The following SH2D4B variants were observed in gnomAD, a reference collection of about 807,000 sequenced individuals.
SH2D4B encodes the protein SH2 domain-containing protein 4B.
A neutral mutation model predicts 61.5 loss-of-function variants in SH2D4B; 45 were observed. The ratio of observed to expected loss-of-function variants is 0.73; its 90% CI spans 0.58 to 0.94. The LOEUF (loss-of-function observed/expected upper bound fraction) is 0.94, where lower values mean the gene tolerates loss of function less well. SH2D4B is among the 40% of genes least tolerant of loss of function. The pLI is 0.00. For synonymous variants in SH2D4B, 224 were observed against 220.4 expected (o/e 1.02, Z -0.14); for missense variants, 572 against 574.2 (o/e 1.00, Z 0.04).
intron 1 of SH2D4B, among the ~76,000 whole-genome samples, chr10:80,545,089 T>G (rs1300129082): frequency 6.6e-6 from 1 of 152,250 alleles, no homozygotes; most frequent in Non-Finnish European, 1.5e-5. Context: ...AAAATTATGG[T>G]AAAATACACA....
At chr10:80,569,449 A>T (rs545416035) in intron 1 of SH2D4B, among the ~76,000 whole-genome samples, 1 of 151,524 alleles carries the variant, frequency 6.6e-6, no homozygotes, top group South Asian at 2.1e-4. Context: ...TATTTCGGAG[A>T]CCCAGCGAAC....
chr10:80,592,314 C>T (rs1842338597), intron 4 of SH2D4B, among the ~76,000 whole-genome samples: 1 of 152,122 alleles, frequency 6.6e-6, no homozygotes, highest in South Asian at 2.1e-4. Context: ...AATATTTTCT[C>T]ATATTCTTTG....
At chr10:80,608,648 C>T (rs949776887) in intron 5 of SH2D4B, among the ~76,000 whole-genome samples, 1 of 152,004 alleles carries the variant, frequency 6.6e-6, no homozygotes, top group Non-Finnish European at 1.5e-5. Flanking sequence ...TAAAACGTAT[C>T]TACTCCCTCG....
chr10:80,630,326 G>A (rs961722310), intron 6 of SH2D4B, among the ~76,000 whole-genome samples: 38 of 152,186 alleles, frequency 2.5e-4, no homozygotes, highest in African/African-American at 8.2e-4. Flanking sequence ...GCATGATGCT[G>A]CTCCCAGCAA....
intron 5 of SH2D4B, among the ~76,000 whole-genome samples, chr10:80,608,504 G>T (rs1842547597): frequency 6.6e-6 from 1 of 152,198 alleles, no homozygotes; most frequent in African/African-American, 2.4e-5. Flanking sequence ...GTCGTGTGCT[G>T]CCAGCTCTTA....
chr10:80,584,476 C>A (rs1169642520), intron 3 of SH2D4B, among the ~76,000 whole-genome samples: 3 of 152,016 alleles, frequency 2.0e-5, no homozygotes, highest in Non-Finnish European at 4.4e-5. Context: ...CCAGGAAAAA[C>A]CAGAAAAAAT....
rs373219353 is a variant in SH2D4B at position 80,609,304 on chromosome 10, C to G, written c.861-120C>G. ...CTCCCCTGCCCCTTCTTCCACCCCC[C>G]CTTCCTCCTCCTCCTTTTACCTTCC... On this transcript the variant is annotated intron_variant, in intron 5 of 7. Transcript: ENST00000646907. The G allele has an allele frequency of 5.9e-4, 601 of 1,013,916 alleles. 9 individuals carry two copies. In the East Asian group the frequency reaches 0.014, roughly 23 times the overall value. 62.8% of individuals were successfully genotyped at this position (1,013,916 alleles called of 1,614,324 possible). A position where few individuals can be genotyped will look rare whatever the true frequency, so the allele number is the denominator to read the frequency against.
At chr10:80,544,111 T>G (rs1841630942) in intron 1 of SH2D4B, among the ~76,000 whole-genome samples, 1 of 152,148 alleles carries the variant, frequency 6.6e-6, no homozygotes, top group African/African-American at 2.4e-5. Flanking sequence ...CAATAAATCT[T>G]GCTATTGCTC....
intron 4 of SH2D4B, among the ~76,000 whole-genome samples, chr10:80,595,787 C>T (rs765942303): frequency 3.3e-5 from 5 of 152,178 alleles, no homozygotes; most frequent in Non-Finnish European, 7.3e-5. Flanking sequence ...GTTCTTCAAT[C>T]CCTCCTTAAT....
At chr10:80,611,005 T>C (rs1842591385) in intron 6 of SH2D4B, among the ~76,000 whole-genome samples, 1 of 151,780 alleles carries the variant, frequency 6.6e-6, no homozygotes, top group Non-Finnish European at 1.5e-5. Flanking sequence ...AGCTTGTCTC[T>C]ACTAAAAATA....
At chr10:80,553,505 C>T (rs569974959) in intron 1 of SH2D4B, among the ~76,000 whole-genome samples, 1 of 152,102 alleles carries the variant, frequency 6.6e-6, no homozygotes, top group African/African-American at 2.4e-5. Flanking sequence ...GGAGGTGGGG[C>T]GTTGTGGATT....
At chr10:80,612,390 C>G (rs1842613442) in intron 6 of SH2D4B, among the ~76,000 whole-genome samples, 1 of 152,000 alleles carries the variant, frequency 6.6e-6, no homozygotes, top group Non-Finnish European at 1.5e-5. Flanking sequence ...TCGGCTCTCC[C>G]TGGGCTTGGT....
At chr10:80,631,940 TTTTG>T (rs1360495453) in intron 6 of SH2D4B, among the ~76,000 whole-genome samples, 2 of 152,018 alleles carry the variant, frequency 1.3e-5, no homozygotes, top group East Asian at 1.9e-4. Flanking sequence ...CCAAGAGAGT[TTTTG>T]TTTGTTTGTT....
intron 6 of SH2D4B, among the ~76,000 whole-genome samples, chr10:80,624,801 G>T (rs1025130992): frequency 1.3e-5 from 2 of 152,146 alleles, no homozygotes; most frequent in Non-Finnish European, 2.9e-5. Context: ...GCCTCCAAAG[G>T]ACATTGATCA....
intron 1 of SH2D4B, among the ~76,000 whole-genome samples, chr10:80,551,090 T>C (rs1190413111): frequency 1.3e-5 from 2 of 152,254 alleles, no homozygotes; most frequent in Admixed American, 6.5e-5. Flanking sequence ...TCTCACTCTG[T>C]TGCCCAGGCT....
chr10:80,583,704 A>G (rs1842211947), intron 3 of SH2D4B, among the ~76,000 whole-genome samples: 1 of 152,178 alleles, frequency 6.6e-6, no homozygotes, highest in Non-Finnish European at 1.5e-5. Context: ...GCAAGAGAGG[A>G]AAATGATAAG....
chr10:80,569,057 A>T (rs1038350506), intron 1 of SH2D4B, among the ~76,000 whole-genome samples: 1 of 152,206 alleles, frequency 6.6e-6, no homozygotes, highest in African/African-American at 2.4e-5. Flanking sequence ...TGCTTCTGGG[A>T]TACATTTTTA....
chr10:80,645,661 A>T lies in SH2D4B; in HGVS notation c.*1576A>T, dbSNP rs1442458947. ...ATGACACCCTGCTGCCCCCGTTTTTAATTCTTCTCTGCCTTGCCCTGCTCT... is the reference window on the plus strand; with the variant it reads ...ATGACACCCTGCTGCCCCCGTTTTTTATTCTTCTCTGCCTTGCCCTGCTCT... On this transcript the variant is annotated 3_prime_UTR_variant, in exon 8 of 8. Coordinates refer to ENST00000646907, the MANE Select transcript of SH2D4B (RefSeq NM_001388272.1). 6.6e-6 allele frequency: 1 copy of T among 152,166 alleles called. No individual in the cohort carries two copies. Among genetic ancestry groups the T allele is most frequent in the Non-Finnish European group, 1.5e-5 (1 of 68,094 alleles). The allele number at this position is 152,166 out of a possible 1,614,324, so 9.4% of individuals were successfully genotyped here.
chr10:80,571,759 C>CTG (rs1293911394), intron 3 of SH2D4B, among the ~76,000 whole-genome samples, 181 bp downstream of exon 3: 1 of 150,550 alleles, frequency 6.6e-6, no homozygotes, highest in Non-Finnish European at 1.5e-5. Context: ...CAATCCACTT[C>CTG]TGTTTCTTTT....
Sources: allele counts gnomAD v4.1 joint callset (sites outside exome capture counted in the v4.1 genomes callset), GRCh38; gene constraint gnomAD v4.1.1; transcripts MANE v1.5; gene names NCBI Gene and HGNC (gene_info 2026-07-23, HGNC 2026-07-21).